Variants in TAFA2 observed in about 807,000 individuals in gnomAD.
TAFA2 encodes the protein TAFA chemokine like family member 2, also known as chemokine-like protein TAFA-2.
TAFA2 carries 7 observed loss-of-function variants against 18.8 expected under a neutral mutation model. That is an observed-to-expected ratio of 0.37 (90% CI 0.21 to 0.70). The LOEUF (loss-of-function observed/expected upper bound fraction) is 0.70. Ranked by LOEUF, TAFA2 falls within the 30% of genes least tolerant of loss-of-function variation. The pLI is 0.53. For synonymous variants in TAFA2, 60 were observed against 54.2 expected, an observed-to-expected ratio of 1.11 and a Z score of -0.47; for missense variants, 122 against 158.1, an observed-to-expected ratio of 0.77 and a Z score of 1.23.
At chr12:62,150,303 CCTAT>C (rs1378001409) in intron 1 of TAFA2, among the ~76,000 whole-genome samples, 1 of 152,102 alleles carries the variant, frequency 6.6e-6, no homozygotes, top group African/African-American at 2.4e-5. Flanking sequence ...TTATTTGTAG[CCTAT>C]CTCATTCCTA....
intron 1 of TAFA2, among the ~76,000 whole-genome samples, chr12:62,060,111 T>C (rs553675177): frequency 2.6e-5 from 4 of 152,360 alleles, no homozygotes; most frequent in Non-Finnish European, 4.4e-5. Flanking sequence ...ACCATTTTAC[T>C]CCTTCACTGA....
chr12:61,741,270 CTGTG>C (rs1488012835), intron 4 of TAFA2, among the ~76,000 whole-genome samples: 2 of 150,424 alleles, frequency 1.3e-5, no homozygotes, highest in African/African-American at 2.4e-5. Flanking sequence ...TCTCTCTGCT[CTGTG>C]TGTGTGTGTG....
chr12:61,829,174 A>G (rs1872627716), intron 2 of TAFA2, among the ~76,000 whole-genome samples: 1 of 151,782 alleles, frequency 6.6e-6, no homozygotes, highest in Non-Finnish European at 1.5e-5. Flanking sequence ...TTATAAGAAT[A>G]TAAGAAGGTA....
At chr12:62,116,544 C>A (rs983323506) in intron 1 of TAFA2, among the ~76,000 whole-genome samples, 1 of 147,502 alleles carries the variant, frequency 6.8e-6, no homozygotes, top group Non-Finnish European at 1.5e-5. Flanking sequence ...AAGAAGGAAG[C>A]CTTTAGTCCT....
At chr12:62,126,012 C>T (rs771905596) in intron 1 of TAFA2, among the ~76,000 whole-genome samples, 6 of 151,984 alleles carry the variant, frequency 3.9e-5, no homozygotes, top group East Asian at 1.9e-4. Flanking sequence ...ATCCAGATCA[C>T]GGAAAACCAG....
chr12:61,832,491 T>A lies in TAFA2; in HGVS notation c.106+34829A>T, dbSNP rs1188063537. ...TTCAAGTCACTCCAAGCCAATAAAG[T>A]GTTCCCAGCTGAGACCCCAAACAAG... On this transcript the variant is annotated intron_variant, in intron 2 of 4. Transcript: ENST00000416284. Among the ~76,000 whole-genome samples the A allele has an allele frequency of 4.6e-5, 7 of 152,152 alleles. No individual in the cohort carries two copies. The East Asian group carries it at 1.4e-3, about 30-fold the overall frequency.
chr12:61,846,931 C>T (rs558037110), intron 2 of TAFA2, among the ~76,000 whole-genome samples: 2 of 152,242 alleles, frequency 1.3e-5, no homozygotes, highest in East Asian at 1.9e-4. Context: ...ATCAAACAAG[C>T]GACTTTGTGA....
chr12:62,092,293 C>G (rs531197240), intron 1 of TAFA2, among the ~76,000 whole-genome samples: 1 of 152,002 alleles, frequency 6.6e-6, no homozygotes, highest in Admixed American at 6.6e-5. Context: ...TCACCCCACT[C>G]CCCCTGTAAC....
intron 1 of TAFA2, among the ~76,000 whole-genome samples, chr12:62,033,488 C>G (rs1881517685): frequency 1.3e-5 from 2 of 151,040 alleles, no homozygotes; most frequent in South Asian, 4.1e-4. Flanking sequence ...GATTTTCTTT[C>G]ACCAGTGAGA....
At chr12:61,742,772 G>T (rs995496605) in intron 4 of TAFA2, among the ~76,000 whole-genome samples, 1 of 151,996 alleles carries the variant, frequency 6.6e-6, no homozygotes, top group Non-Finnish European at 1.5e-5. Flanking sequence ...CAAGAAATAT[G>T]TAAGAAGTAT....
intron 2 of TAFA2, among the ~76,000 whole-genome samples, chr12:61,832,653 C>G (rs1365281220): frequency 2.6e-5 from 4 of 152,082 alleles, no homozygotes; most frequent in Non-Finnish European, 4.4e-5. Flanking sequence ...AGCCCTACTG[C>G]TGGCCATATC....
intron 1 of TAFA2, among the ~76,000 whole-genome samples, chr12:62,128,523 C>T (rs192711458): frequency 4.5e-4 from 68 of 152,132 alleles, no homozygotes; most frequent in African/African-American, 1.5e-3. Context: ...GTGTAAATTG[C>T]TTTCATGCTT....
At chr12:62,077,329 A>C (rs908263390) in intron 1 of TAFA2, among the ~76,000 whole-genome samples, 1 of 152,236 alleles carries the variant, frequency 6.6e-6, no homozygotes, top group South Asian at 2.1e-4. Context: ...ATATTCACTG[A>C]TATTTTGGCT....
rs1334680647 is a variant in TAFA2 at position 61,721,421 on chromosome 12, A to T, written c.385-11004T>A. ...GCCTTGCCTGATCATCCATGCCTAGAGTAATTTATAATTTGCTGAGGCAGG... is the reference window on the plus strand; with the variant it reads ...GCCTTGCCTGATCATCCATGCCTAGTGTAATTTATAATTTGCTGAGGCAGG... On this transcript the variant is annotated intron_variant, in intron 4 of 4. Transcript: ENST00000416284. 9.9e-5 allele frequency among the ~76,000 whole-genome samples: 15 copies of T among 152,210 alleles called. 1 individual carries two copies. The highest frequency in any genetic ancestry group is 2.2e-4 in the Non-Finnish European group (15 of 68,042).
At chr12:62,118,123 T>G (rs1375553642) in intron 1 of TAFA2, among the ~76,000 whole-genome samples, 1 of 152,098 alleles carries the variant, frequency 6.6e-6, no homozygotes, top group Non-Finnish European at 1.5e-5. Context: ...ATAACCAAAT[T>G]TCATCCCATA....
chr12:62,082,459 T>C (rs1383824422), intron 1 of TAFA2, among the ~76,000 whole-genome samples: 2 of 152,210 alleles, frequency 1.3e-5, no homozygotes, highest in African/African-American at 4.8e-5. Flanking sequence ...CTTGTTTATC[T>C]TGCATTCCAA....
Position 61,735,762 on chromosome 12 carries a change from T to A in TAFA2, c.384+17860A>T, listed in dbSNP as rs181107197. ...TTAGTGCAGCAGTTCTGCAGCTTAA[T>A]AATTCACTATTGTATATTATTTTGT... On this transcript the variant is annotated intron_variant, in intron 4 of 4. Transcript: ENST00000416284. Among the ~76,000 whole-genome samples, 9 of 151,988 alleles carry A rather than the reference T, an allele frequency of 5.9e-5. No individual in the cohort carries two copies. In the South Asian group the frequency reaches 1.0e-3, roughly 18 times the overall value.
intron 1 of TAFA2, chr12:61,880,221 T>C: frequency 2.0e-6 from 1 of 492,364 alleles, no homozygotes; most frequent in Non-Finnish European, 3.9e-6. Context: ...GGGGATAACC[T>C]GAGGTGTACA....
chr12:61,871,899 T>C (rs1012294763), intron 1 of TAFA2, among the ~76,000 whole-genome samples: 57 of 152,256 alleles, frequency 3.7e-4, no homozygotes, highest in African/African-American at 1.0e-3. Flanking sequence ...GAGACCATCC[T>C]GGCTAACACA....
Sources: gnomAD v4.1 joint callset for allele counts (sites outside exome capture counted in the v4.1 genomes callset) on GRCh38, gnomAD v4.1.1 for gene constraint, MANE v1.5 for transcripts, NCBI Gene and HGNC (gene_info 2026-07-23, HGNC 2026-07-21) for gene names.